BACH2: variants seen among roughly 807,000 people sequenced by gnomAD.
The protein encoded by BACH2 is transcription regulator protein BACH2.
A neutral mutation model predicts 61.8 loss-of-function variants in BACH2; 5 were observed. That is an observed-to-expected ratio of 0.08 (90% confidence interval 0.04 to 0.17). The LOEUF is 0.17. BACH2 is among the 10% of genes least tolerant of loss of function. The probability of loss-of-function intolerance (pLI) is 1.00; values close to 1 mark genes in which losing one functional copy is unlikely to be tolerated. For synonymous variants in BACH2, 446 were observed against 440.1 expected (o/e 1.01, Z -0.17); for missense variants, 824 against 1,091.1 (o/e 0.76, Z 3.45).
intron 3 of BACH2, among the ~76,000 whole-genome samples, chr6:90,228,358 C>T (rs1322568433): frequency 1.3e-5 from 2 of 152,174 alleles, no homozygotes; most frequent in African/African-American, 4.8e-5. Context: ...GGGAAAAGAA[C>T]CATAGGTGGA....
intron 6 of BACH2, among the ~76,000 whole-genome samples, chr6:89,990,636 C>T (rs2128365263): frequency 6.6e-6 from 1 of 152,246 alleles, no homozygotes; most frequent in African/African-American, 2.4e-5. Context: ...TACCCACCCC[C>T]ACCGACCCCT....
chr6:89,968,342 C>T (rs1276725244), intron 6 of BACH2, among the ~76,000 whole-genome samples: 1 of 152,226 alleles, frequency 6.6e-6, no homozygotes, highest in African/African-American at 2.4e-5. Context: ...CTGGACCTGT[C>T]TTGATTAGAA....
chr6:89,958,733 G>A (rs538329535), intron 6 of BACH2, among the ~76,000 whole-genome samples: 1 of 152,104 alleles, frequency 6.6e-6, no homozygotes, highest in Non-Finnish European at 1.5e-5. Context: ...ACTTAGAGGA[G>A]GTAACACTTG....
In BACH2 at chr6:89,950,905, C is replaced by G. The variant is rs903023176; in HGVS notation, c.1201G>C (p.Glu401Gln). Reference sequence around the variant, plus strand: ...GACCCCATGGTGAAGTTGGACACCTCCTTCTGGCCCACGTGGGGCTGTCCA... The same window carrying G: ...GACCCCATGGTGAAGTTGGACACCTGCTTCTGGCCCACGTGGGGCTGTCCA... Reference protein sequence around the residue: ...NYGQPHVGQKEVSNFTMGSPL... With the variant: ...NYGQPHVGQKQVSNFTMGSPL... The change falls in exon 7 of 9, where the codon GAG becomes CAG. Residue 401 changes from glutamate (E) to glutamine (Q), a missense_variant. Coordinates refer to ENST00000257749, the MANE Select transcript of BACH2 (RefSeq NM_021813.4). This position sits in a 1 kb window ranked among gnomAD's most constrained non-coding sequence, Gnocchi z 5.3. 1 of 1,595,104 alleles carries G rather than the reference C, an allele frequency of 6.3e-7. No homozygotes were observed. The highest frequency in any genetic ancestry group is 8.5e-7 in the Non-Finnish European group (1 of 1,170,184).
chr6:90,081,773 A>C (rs1781734176), intron 5 of BACH2, among the ~76,000 whole-genome samples: 1 of 152,184 alleles, frequency 6.6e-6, no homozygotes. Flanking sequence ...TACGGACATA[A>C]AGTTTGTGGA....
At chr6:90,101,029 C>T (rs1396210815) in intron 4 of BACH2, among the ~76,000 whole-genome samples, 1 of 152,130 alleles carries the variant, frequency 6.6e-6, no homozygotes, top group African/African-American at 2.4e-5. Context: ...CATTCACTTA[C>T]TGGCCATTTG....
intron 5 of BACH2, among the ~76,000 whole-genome samples, chr6:90,046,378 T>C (rs941267363): frequency 6.6e-6 from 1 of 152,160 alleles, no homozygotes; most frequent in African/African-American, 2.4e-5. Context: ...CAAGGACAGA[T>C]GAGACTCTTC....
intron 4 of BACH2, among the ~76,000 whole-genome samples, chr6:90,134,964 G>C (rs1161512865): frequency 2.0e-5 from 3 of 152,164 alleles, no homozygotes; most frequent in African/African-American, 4.8e-5. Flanking sequence ...GGAAACATGG[G>C]ATGAACAGAT....
chr6:89,952,070 C>T (rs1774162363), intron 6 of BACH2: 2 of 605,352 alleles, frequency 3.3e-6, no homozygotes, highest in Non-Finnish European at 5.7e-6. Context: ...TACTCCATCA[C>T]AGCACAGGCA....
At chr6:90,018,469 C>T (rs914591482) in intron 5 of BACH2, among the ~76,000 whole-genome samples, 1 of 152,146 alleles carries the variant, frequency 6.6e-6, no homozygotes, top group South Asian at 2.1e-4. Flanking sequence ...CTTTTGGTTC[C>T]TGATGTCCCA....
intron 5 of BACH2, among the ~76,000 whole-genome samples, chr6:90,015,569 G>C (rs1778016373): frequency 6.6e-6 from 1 of 152,060 alleles, no homozygotes; most frequent in African/African-American, 2.4e-5. Context: ...AAATATTTGG[G>C]GGAGTTTTTA....
Position 90,223,350 on chromosome 6 carries a change from T to G in BACH2, c.-274-16669A>C, listed in dbSNP as rs150767255. On this transcript the variant is annotated intron_variant, in intron 3 of 8. Coordinates refer to ENST00000257749, the MANE Select transcript of BACH2 (RefSeq NM_021813.4). ...TACAACAGAGCATTAAGTAAATTAA[T>G]AAACAGATATGCAAAGAGGCCTACA... 5.0e-3 allele frequency among the ~76,000 whole-genome samples: 758 copies of G among 152,328 alleles called. 6 individuals carry two copies. The highest frequency in any genetic ancestry group is 0.01 in the Middle Eastern group (3 of 294).
intron 4 of BACH2, among the ~76,000 whole-genome samples, chr6:90,103,622 T>A (rs949753117): frequency 6.6e-6 from 1 of 152,198 alleles, no homozygotes; most frequent in Non-Finnish European, 1.5e-5. Context: ...TTGATCACGA[T>A]GACTGCTCTG....
At chr6:90,010,155 A>C (rs1471722267) in intron 5 of BACH2, among the ~76,000 whole-genome samples, 1 of 152,156 alleles carries the variant, frequency 6.6e-6, no homozygotes, top group Admixed American at 6.6e-5. Context: ...TGATGTTTTG[A>C]TTGTGTATGT....
chr6:90,279,581 A>G (rs953254435), intron 1 of BACH2, among the ~76,000 whole-genome samples: 2 of 152,080 alleles, frequency 1.3e-5, no homozygotes, highest in Admixed American at 1.3e-4. Flanking sequence ...TCTGTCATAC[A>G]TTATCTCATC....
intron 4 of BACH2, among the ~76,000 whole-genome samples, chr6:90,176,313 G>T (rs776904621): frequency 6.6e-6 from 1 of 152,150 alleles, no homozygotes; most frequent in African/African-American, 2.4e-5. Flanking sequence ...ATTAGTGAAG[G>T]AGGGAGCAAA....
chr6:90,226,482 C>G (rs939816204), intron 3 of BACH2, among the ~76,000 whole-genome samples: 3 of 152,178 alleles, frequency 2.0e-5, no homozygotes, highest in African/African-American at 7.2e-5. Context: ...GCCAGTATGA[C>G]TCACTGAACA....
intron 4 of BACH2, among the ~76,000 whole-genome samples, chr6:90,130,744 G>C (rs576009423): frequency 2.0e-5 from 3 of 152,340 alleles, no homozygotes; most frequent in Non-Finnish European, 4.4e-5. Context: ...AGGCCATACT[G>C]CAGATGCAGA....
chr6:90,000,233 T>A (rs1032850060), intron 6 of BACH2, among the ~76,000 whole-genome samples: 7 of 152,174 alleles, frequency 4.6e-5, no homozygotes, highest in African/African-American at 1.4e-4. Flanking sequence ...CGCAACTCCA[T>A]CCGAGACTGA....
Sources: allele counts gnomAD v4.1 joint callset (sites outside exome capture counted in the v4.1 genomes callset), GRCh38; gene constraint gnomAD v4.1.1; non-coding constraint Gnocchi (gnomAD v3.1); transcripts MANE v1.5; gene names NCBI Gene and HGNC (gene_info 2026-07-23, HGNC 2026-07-21).